The following RNF175 variants were observed in gnomAD, a reference collection of about 807,000 sequenced individuals.
RNF175 encodes the protein ring finger protein 175.
In RNF175, 38 loss-of-function variants were observed where a neutral mutation model predicts 50.0. That is an observed-to-expected ratio of 0.76 (90% CI 0.59 to 1.00). RNF175 has a LOEUF of 1.00. Among genes scored for constraint, RNF175 ranks in the 50% least tolerant of loss-of-function variants. The pLI, the probability that RNF175 is intolerant of heterozygous loss-of-function variation, is 0.00. For missense variants in RNF175, 388 were observed against 409.6 expected, an observed-to-expected ratio of 0.95 and a Z score of 0.46; for synonymous variants, 155 against 146.1, an observed-to-expected ratio of 1.06 and a Z score of -0.44.
intron 8 of RNF175, among the ~76,000 whole-genome samples, chr4:153,711,395 A>G (rs1737567083): frequency 6.6e-6 from 1 of 151,214 alleles, no homozygotes; most frequent in African/African-American, 2.4e-5. Context: ...TTGCAATGGT[A>G]TGGGCCTTGA....
intron 1 of RNF175, among the ~76,000 whole-genome samples, chr4:153,755,339 T>C (rs1005304646): frequency 1.3e-5 from 2 of 152,248 alleles, no homozygotes; most frequent in African/African-American, 4.8e-5. Flanking sequence ...GTCAACAGGC[T>C]TTCCCTGCTA....
At chr4:153,713,162 T>C (rs183307337) in intron 7 of RNF175, 6 of 152,358 alleles carry the variant, frequency 3.9e-5, no homozygotes, top group African/African-American at 1.4e-4. Flanking sequence ...TCTCAAACTC[T>C]AGGCATTTAC....
intron 1 of RNF175, among the ~76,000 whole-genome samples, chr4:153,759,441 G>T (rs1241213313): frequency 6.6e-6 from 1 of 152,244 alleles, no homozygotes; most frequent in Non-Finnish European, 1.5e-5. Flanking sequence ...TTCCGCCGAG[G>T]AGGGAGGAGG....
At chr4:153,736,970 T>A (rs192866321) in intron 3 of RNF175, among the ~76,000 whole-genome samples, 87 of 152,298 alleles carry the variant, frequency 5.7e-4, no homozygotes, top group African/African-American at 1.3e-3. Context: ...GCAATCCTCC[T>A]GCCTCAGCCT....
In RNF175 at chr4:153,728,324, T is replaced by C. The variant is rs1047786225; in HGVS notation, c.284A>G (p.Tyr95Cys). 1.1e-5 allele frequency: 18 copies of C among 1,613,624 alleles called. No individual in the cohort carries two copies. The highest frequency in any genetic ancestry group is 3.3e-5 in the Admixed American group (2 of 60,006). The change falls in exon 4 of 9, where the codon TAT (tyrosine) becomes TGT (cysteine). Residue 95 changes from tyrosine (Y) to cysteine (C), a missense_variant. By Grantham distance (194) the Tyr-to-Cys change is radical. Transcript: ENST00000347063. Reference protein sequence around the residue: ...TLLQMWVVPLYFTIKLYWWRF... With the variant: ...TLLQMWVVPLCFTIKLYWWRF... Reference sequence around the variant, plus strand: ...CCACCAGTATAATTTTATCGTGAAATATAAGGGGACAACCCACATCTGCAA... The same window carrying C: ...CCACCAGTATAATTTTATCGTGAAACATAAGGGGACAACCCACATCTGCAA...
rs1738836992 is a variant in RNF175, at chr4:153,728,359, C to T, written c.249G>A (p.Leu83=). The T allele has an allele frequency of 6.2e-7, 1 of 1,613,212 alleles. No individual in the cohort carries two copies. The highest frequency in any genetic ancestry group is 2.2e-5 in the East Asian group (1 of 44,870). ...WRQRHGRSYN[L]VTLLQMWVVP... ...CAACCCACATCTGCAACAAGGTCACCAGCTGTCAGAGAAATGAACAGGAAG... is the reference window on the plus strand; with the variant it reads ...CAACCCACATCTGCAACAAGGTCACTAGCTGTCAGAGAAATGAACAGGAAG... Residue 83 remains leucine (L), a splice_region_variant and synonymous_variant, in exon 4 of 9, where the codon CTG becomes CTA. Coordinates refer to ENST00000347063, the MANE Select transcript of RNF175 (RefSeq NM_173662.4).
intron 3 of RNF175, among the ~76,000 whole-genome samples, chr4:153,746,051 T>C (rs905960127): frequency 1.3e-5 from 2 of 152,242 alleles, no homozygotes; most frequent in Non-Finnish European, 2.9e-5. Flanking sequence ...AAAAGTCCAG[T>C]GTCTCATCTA....
At chr4:153,714,708 A>G (rs1457522727) in intron 7 of RNF175, 1 of 152,288 alleles carries the variant, frequency 6.6e-6, no homozygotes, top group African/African-American at 2.4e-5. Flanking sequence ...GTGTCCATAC[A>G]TGTTCAGGCA....
At position 153,759,935 on chromosome 4, in the gene RNF175, C is replaced by T. The variant is rs1740750360; in HGVS notation, c.-73G>A. The T allele has an allele frequency of 4.4e-6, 4 of 904,748 alleles. No homozygotes were observed. The highest frequency in any genetic ancestry group is 8.6e-5 in the Admixed American group (2 of 23,122). The allele number at this position is 904,748 out of a possible 1,614,324, so 56.0% of individuals were successfully genotyped here. ...GTCCCGCAGAGTCCGCAGAAGGAGG[C>T]GCCGCGGGGCCTCGGGAGCCGAGGG... On this transcript the variant is annotated 5_prime_UTR_variant, in exon 1 of 9. Transcript: ENST00000347063.
chr4:153,736,264 A>T (rs1342039315), intron 3 of RNF175, among the ~76,000 whole-genome samples: 1 of 152,214 alleles, frequency 6.6e-6, no homozygotes, highest in African/African-American at 2.4e-5. Context: ...TTATTTACAT[A>T]AATTGATTTT....
rs1455121015 is a variant in RNF175 at position 153,739,695 on chromosome 4, A to T, written c.246+8950T>A. Among the ~76,000 whole-genome samples the T allele has an allele frequency of 2.6e-5, 4 of 152,102 alleles. 1 individual carries two copies. The highest frequency in any genetic ancestry group is 1.9e-4 in the East Asian group (1 of 5,174). On this transcript the variant is annotated intron_variant, in intron 3 of 8. Coordinates refer to ENST00000347063, the MANE Select transcript of RNF175 (RefSeq NM_173662.4). ...CTAGACTGCTGGGATTTTTTCTTTC[A>T]ATACTTTAAATATTTTACTTCACTT...
At position 153,741,920 on chromosome 4, in the gene RNF175, T is replaced by C. The variant is rs376750530; in HGVS notation, c.246+6725A>G. Among the ~76,000 whole-genome samples, 13 of 152,252 alleles carry C rather than the reference T, an allele frequency of 8.5e-5. No homozygotes were observed. In the East Asian group the frequency reaches 1.4e-3, roughly 16 times the overall value. Reference sequence around the variant, plus strand: ...TAATGGGAAAAACCACAATCACTTTTGCACCAACCTACTATATCTCACAAA... The same window carrying C: ...TAATGGGAAAAACCACAATCACTTTCGCACCAACCTACTATATCTCACAAA... On this transcript the variant is annotated intron_variant, in intron 3 of 8. Transcript: ENST00000347063.
intron 5 of RNF175, 200 bp downstream of exon 5, chr4:153,723,151 T>C (rs1383986990): frequency 2.8e-6 from 1 of 351,132 alleles, no homozygotes; most frequent in East Asian, 4.2e-5. Context: ...CTCCTAATTT[T>C]AAAAAATTAT....
At chr4:153,747,540 C>G (rs1213303363) in intron 3 of RNF175, among the ~76,000 whole-genome samples, 2 of 152,298 alleles carry the variant, frequency 1.3e-5, no homozygotes, top group Admixed American at 1.3e-4. Context: ...CATTTTCTGT[C>G]TAAGACCTCA....
intron 3 of RNF175, among the ~76,000 whole-genome samples, chr4:153,732,053 G>A (rs761848185): frequency 9.2e-5 from 14 of 152,146 alleles, no homozygotes; most frequent in Non-Finnish European, 1.6e-4. Flanking sequence ...GCAACATGGT[G>A]AAACCCCATC....
chr4:153,742,270 T>C, intron 3 of RNF175, among the ~76,000 whole-genome samples: 2 of 36,186 alleles, frequency 5.5e-5, no homozygotes, highest in African/African-American at 2.2e-4. Flanking sequence ...GAGCTTCTGT[T>C]CCAAAAAAAA....
intron 1 of RNF175, 95 bp from the exon 2 acceptor site, chr4:153,751,570 T>A: frequency 1.2e-6 from 1 of 816,344 alleles, no homozygotes; most frequent in South Asian, 1.6e-5. Flanking sequence ...CCATGAAAAA[T>A]AACAATGTCA....
intron 2 of RNF175, among the ~76,000 whole-genome samples, chr4:153,751,132 G>GAACA (rs954725433): frequency 1.3e-5 from 2 of 152,236 alleles, no homozygotes; most frequent in African/African-American, 4.8e-5. Context: ...CCAGAACACA[G>GAACA]GGGCAATGGT....
intron 6 of RNF175, among the ~76,000 whole-genome samples, chr4:153,718,515 T>G (rs7654018): frequency 0.29 from 44,235 of 151,832 alleles, 7,214 homozygotes; most frequent in South Asian, 0.48. Flanking sequence ...CTGGTCGGGT[T>G]GGATCAGGTG....
Sources: allele counts gnomAD v4.1 joint callset (sites outside exome capture counted in the v4.1 genomes callset), GRCh38; gene constraint gnomAD v4.1.1; transcripts MANE v1.5; gene names NCBI Gene and HGNC (gene_info 2026-07-23, HGNC 2026-07-21).